The following FREM1 variants were observed in gnomAD, a reference collection of about 807,000 sequenced individuals.
FREM1 encodes the protein FRAS1 related extracellular matrix 1, also known as FRAS1-related extracellular matrix protein 1.
In FREM1, 220 loss-of-function variants were observed where a neutral mutation model predicts 210.1. That is an observed-to-expected ratio of 1.05 (90% CI 0.94 to 1.17). The LOEUF is 1.17. FREM1 is among the 50% of genes most tolerant of loss of function. The probability of loss-of-function intolerance (pLI) is 0.00; values close to 1 mark genes in which losing one functional copy is unlikely to be tolerated. For synonymous variants in FREM1, 1,189 were observed against 980.2 expected (o/e 1.21, Z -3.98); for missense variants, 3,454 against 2,675.5 (o/e 1.29, Z -6.42).
intron 35 of FREM1, among the ~76,000 whole-genome samples, chr9:14,745,171 T>C (rs1300933435): frequency 1.3e-5 from 2 of 152,132 alleles, no homozygotes; most frequent in Non-Finnish European, 2.9e-5. Flanking sequence ...AGTAATAGGC[T>C]TAATACCTGG....
At chr9:14,749,868 C>T (rs1315581811) in intron 30 of FREM1, among the ~76,000 whole-genome samples, 1 of 152,136 alleles carries the variant, frequency 6.6e-6, no homozygotes, top group Non-Finnish European at 1.5e-5. Context: ...GTTTCCCCCT[C>T]GGTGAGAACA....
In FREM1 at chr9:14,825,547, G is replaced by GTGTGTGTGTGTATATATATATA; in HGVS notation, c.1882-556_1882-555insTATATATATATACACACACACA. The stretch of plus-strand genomic sequence containing the variant: ...CATATATATATATATGTGTGTGTGT[G>GTGTGTGTGTGTATATATATATA]TATATATATATATATATATATATAC... On this transcript the variant is annotated intron_variant, in intron 10 of 36. Transcript: ENST00000380880. 2.6e-3 allele frequency among the ~76,000 whole-genome samples: 201 copies of GTGTGTGTGTGTATATATATATA among 75,852 alleles called. 1 individual carries two copies. Among genetic ancestry groups the GTGTGTGTGTGTATATATATATA allele is most frequent in the African/African-American group, 5.0e-3 (88 of 17,776 alleles). The allele number at this position is 75,852 out of a possible 152,430, so 49.8% of individuals were successfully genotyped here.
intron 10 of FREM1, among the ~76,000 whole-genome samples, chr9:14,832,078 A>C (rs956243209): frequency 6.6e-6 from 1 of 152,230 alleles, no homozygotes; most frequent in African/African-American, 2.4e-5. Flanking sequence ...ACATATTTTG[A>C]AGCACTGGGA....
At chr9:14,828,133 C>T (rs1306065199) in intron 10 of FREM1, among the ~76,000 whole-genome samples, 1 of 152,206 alleles carries the variant, frequency 6.6e-6, no homozygotes, top group Non-Finnish European at 1.5e-5. Context: ...TGTGCAACGC[C>T]ATCCAGGAAA....
chr9:14,796,189 G>C (rs999357803), intron 21 of FREM1, among the ~76,000 whole-genome samples: 2 of 152,140 alleles, frequency 1.3e-5, no homozygotes, highest in Non-Finnish European at 2.9e-5. Flanking sequence ...ACTTGTTTGA[G>C]GCCCTCCTTT....
intron 1 of FREM1, among the ~76,000 whole-genome samples, chr9:14,878,753 A>T (rs533051007): frequency 5.3e-5 from 8 of 152,352 alleles, no homozygotes; most frequent in South Asian, 4.1e-4. Context: ...CTGATATATC[A>T]ATAAATATTT....
At chr9:14,769,095 G>A (rs1352739126) in intron 27 of FREM1, among the ~76,000 whole-genome samples, 6 of 152,192 alleles carry the variant, frequency 3.9e-5, no homozygotes, top group African/African-American at 1.4e-4. Flanking sequence ...CCCAGTCAGT[G>A]AAATTGCTGT....
At chr9:14,755,106 C>T (rs1388329127) in intron 29 of FREM1, among the ~76,000 whole-genome samples, 1 of 152,164 alleles carries the variant, frequency 6.6e-6, no homozygotes, top group Non-Finnish European at 1.5e-5. Flanking sequence ...CAGAAGTAAT[C>T]CTTCATGCTG....
At chr9:14,755,535 TAG>T (rs1844181692) in intron 29 of FREM1, among the ~76,000 whole-genome samples, 1 of 152,044 alleles carries the variant, frequency 6.6e-6, no homozygotes, top group Admixed American at 6.6e-5. Flanking sequence ...CCCAGGGAAA[TAG>T]AGAGTGGCAT....
At chr9:14,819,189 A>G in intron 14 of FREM1, 45 bp downstream of exon 14, 1 of 1,392,964 alleles carries the variant, frequency 7.2e-7, no homozygotes. Context: ...TGATCTAGAT[A>G]AGAAACTAAA....
intron 16 of FREM1, among the ~76,000 whole-genome samples, chr9:14,810,482 C>T (rs566684487): frequency 1.2e-4 from 19 of 152,226 alleles, no homozygotes; most frequent in African/African-American, 4.1e-4. Context: ...GACAGGGTCT[C>T]ACTCTGCTGC....
rs1239095766 is a variant in FREM1, at chr9:14,859,444, A to C, written c.370T>G (p.Trp124Gly). The C allele has an allele frequency of 1.2e-6, 2 of 1,613,736 alleles. No individual in the cohort carries two copies. The highest frequency in any genetic ancestry group is 1.7e-6 in the Non-Finnish European group (2 of 1,179,790). ...CAGTCTGGTTCCAGGAGATAGACCC[A>C]CAGGATAAAAGTTTCTATGAAGGTA... ...RDTFIETFILWVYLLEPDCNI... is the reference protein window; with the variant it reads ...RDTFIETFILGVYLLEPDCNI... The change falls in exon 4 of 37, where the codon TGG (tryptophan) becomes GGG (glycine). Residue 124 changes from tryptophan to glycine, a missense_variant. Coordinates refer to ENST00000380880, the MANE Select transcript of FREM1 (RefSeq NM_001379081.2).
chr9:14,882,464 C>CT (rs552968082), intron 1 of FREM1, among the ~76,000 whole-genome samples: 1,765 of 141,224 alleles, frequency 0.012, 17 homozygotes, highest in South Asian at 0.028. Context: ...TTCTTCTTAT[C>CT]TTTTTTTTTT....
chr9:14,910,852 G>A (rs1818578816), upstream of FREM1: 1 of 151,982 alleles, frequency 6.6e-6, no homozygotes, highest in African/African-American at 2.4e-5. Context: ...TTTAAATTTA[G>A]ATGAGAAGCC....
chr9:14,737,848 A>C (rs1022317367), intron 36 of FREM1, among the ~76,000 whole-genome samples: 1 of 152,182 alleles, frequency 6.6e-6, no homozygotes, highest in Admixed American at 6.5e-5. Context: ...CAGTTTCCTC[A>C]TCTAAGGAAT....
intron 22 of FREM1, among the ~76,000 whole-genome samples, chr9:14,791,330 C>G (rs528832674): frequency 1.9e-3 from 294 of 152,276 alleles, no homozygotes; most frequent in Non-Finnish European, 2.9e-3. Context: ...CCCAGGTGAC[C>G]TACCCCTAGA....
At chr9:14,828,012 C>G (rs1456997899) in intron 10 of FREM1, among the ~76,000 whole-genome samples, 2 of 152,234 alleles carry the variant, frequency 1.3e-5, no homozygotes, top group Admixed American at 6.5e-5. Flanking sequence ...CCTCAGAAAG[C>G]CTCGGGACTC....
Position 14,836,710 on chromosome 9 carries a change from C to T in FREM1, c.1881+4737G>A, listed in dbSNP as rs1824679955. ...ATCAAACTCCAAATGGTGCTGCAAACTGAACCGCATGTGGACATGCCATTC... is the reference window on the plus strand; with the variant it reads ...ATCAAACTCCAAATGGTGCTGCAAATTGAACCGCATGTGGACATGCCATTC... On this transcript the variant is annotated intron_variant, in intron 10 of 36. Coordinates refer to ENST00000380880, the MANE Select transcript of FREM1 (RefSeq NM_001379081.2). The surrounding 1 kb of genome is among the most constrained non-coding windows in gnomAD (Gnocchi z 4.9). Among the ~76,000 whole-genome samples, 1 of 152,298 alleles carries T rather than the reference C, an allele frequency of 6.6e-6. No individual in the cohort carries two copies. Among genetic ancestry groups the T allele is most frequent in the African/African-American group, 2.4e-5 (1 of 41,564 alleles).
intron 17 of FREM1, 41 bp from the exon 18 acceptor site, chr9:14,806,887 T>C: frequency 7.5e-7 from 1 of 1,333,924 alleles, no homozygotes; most frequent in South Asian, 1.4e-5. Context: ...TAGCATGAAA[T>C]CCTCTAAACA....
Sources: allele counts gnomAD v4.1 joint callset (sites outside exome capture counted in the v4.1 genomes callset), GRCh38; gene constraint gnomAD v4.1.1; non-coding constraint Gnocchi (gnomAD v3.1); transcripts MANE v1.5; gene names NCBI Gene and HGNC (gene_info 2026-07-23, HGNC 2026-07-21).